The following CAMK1D variants were observed in gnomAD, a reference collection of about 807,000 sequenced individuals.
CAMK1D encodes calcium/calmodulin-dependent protein kinase type 1D.
In CAMK1D, 9 loss-of-function variants were observed where a neutral mutation model predicts 47.7. The ratio of observed to expected loss-of-function variants is 0.19; its 90% CI spans 0.11 to 0.33. The LOEUF is 0.33. Ranked by LOEUF, CAMK1D falls within the 10% of genes least tolerant of loss-of-function variation. CAMK1D has a pLI of 1.00. For missense variants in CAMK1D, 291 were observed against 488.7 expected (o/e 0.60, Z 3.81); for synonymous variants, 184 against 184.9 (o/e 0.99, Z 0.04).
chr10:12,533,256 G>C (rs928364271), intron 1 of CAMK1D, among the ~76,000 whole-genome samples: 3 of 152,014 alleles, frequency 2.0e-5, no homozygotes, highest in Admixed American at 6.6e-5. Flanking sequence ...CCTTTCTGAC[G>C]GCACCACTTT....
chr10:12,795,513 T>C (rs1212963917), intron 6 of CAMK1D, among the ~76,000 whole-genome samples: 2 of 152,230 alleles, frequency 1.3e-5, no homozygotes, highest in Non-Finnish European at 2.9e-5. Context: ...CGCCTCATTC[T>C]TCCCAGCCAC....
chr10:12,628,455 C>T (rs912496264), intron 2 of CAMK1D, among the ~76,000 whole-genome samples: 6 of 152,084 alleles, frequency 3.9e-5, no homozygotes, highest in East Asian at 1.9e-4. Flanking sequence ...TAGCAGTTTT[C>T]GGTTTTGAGA....
chr10:12,752,783 A>G (rs986084012), intron 3 of CAMK1D, among the ~76,000 whole-genome samples: 1 of 152,208 alleles, frequency 6.6e-6, no homozygotes, highest in African/African-American at 2.4e-5. Context: ...AAGAGAGACC[A>G]GGACGTGCTT....
intron 2 of CAMK1D, among the ~76,000 whole-genome samples, chr10:12,588,228 A>G (rs1422065000): frequency 6.6e-6 from 1 of 152,138 alleles, no homozygotes; most frequent in Non-Finnish European, 1.5e-5. Context: ...GATGTTTGCA[A>G]TAGTGGTTGG....
intron 3 of CAMK1D, among the ~76,000 whole-genome samples, chr10:12,691,677 T>G (rs1359979582): frequency 6.6e-6 from 1 of 151,578 alleles, no homozygotes; most frequent in Non-Finnish European, 1.5e-5. Flanking sequence ...GGTCTTGAAC[T>G]CCTGACCTTG....
chr10:12,670,391 A>G (rs1840576651), intron 3 of CAMK1D, among the ~76,000 whole-genome samples: 1 of 151,910 alleles, frequency 6.6e-6, no homozygotes, highest in Non-Finnish European at 1.5e-5. Flanking sequence ...CTTGGGTTGA[A>G]AGTGTTCTTT....
At chr10:12,748,609 A>G (rs144946962) in intron 3 of CAMK1D, among the ~76,000 whole-genome samples, 39 of 152,264 alleles carry the variant, frequency 2.6e-4, no homozygotes, top group African/African-American at 9.1e-4. Flanking sequence ...ATCTGTTGAG[A>G]AGGACAGTAG....
At chr10:12,734,322 CAAAAA>C (rs1201573872) in intron 3 of CAMK1D, among the ~76,000 whole-genome samples, 8 of 23,578 alleles carry the variant, frequency 3.4e-4, no homozygotes, top group African/African-American at 5.3e-4. Context: ...GACTCCATCT[CAAAAA>C]AAAAAAAAAA....
intron 2 of CAMK1D, among the ~76,000 whole-genome samples, chr10:12,559,948 G>C (rs1270008011): frequency 1.3e-5 from 2 of 152,150 alleles, no homozygotes; most frequent in East Asian, 3.8e-4. Context: ...CAGGATGTGT[G>C]GTGGGAGAGT....
intron 1 of CAMK1D, among the ~76,000 whole-genome samples, chr10:12,533,021 G>A (rs1276897022): frequency 6.6e-6 from 1 of 152,092 alleles, no homozygotes; most frequent in Admixed American, 6.6e-5. Flanking sequence ...CTGTTTGATA[G>A]CACCACAGGG....
intron 2 of CAMK1D, among the ~76,000 whole-genome samples, chr10:12,612,574 A>C (rs1022331263): frequency 6.6e-6 from 1 of 152,138 alleles, no homozygotes; most frequent in African/African-American, 2.4e-5. Context: ...TGACAGGATC[A>C]GAGCAAGAGT....
chr10:12,809,964 A>G (rs763716924), intron 6 of CAMK1D, among the ~76,000 whole-genome samples: 1 of 151,936 alleles, frequency 6.6e-6, no homozygotes, highest in African/African-American at 2.4e-5. Flanking sequence ...CCTAGGCCAC[A>G]TGGCAAAACC....
In CAMK1D at chr10:12,353,889, C is replaced by T. The variant is rs922456802; in HGVS notation, c.92+3979C>T. On this transcript the variant is annotated intron_variant, in intron 1 of 10. Coordinates refer to ENST00000619168, the MANE Select transcript of CAMK1D (RefSeq NM_153498.4). ...GTGTATTTGCCAAGGCTGTTCAGGCCGTCCCTATCGTAGCTATCTTTCAGT... is the reference window on the plus strand; with the variant it reads ...GTGTATTTGCCAAGGCTGTTCAGGCTGTCCCTATCGTAGCTATCTTTCAGT... Among the ~76,000 whole-genome samples, 3 of 151,988 alleles carry T rather than the reference C, an allele frequency of 2.0e-5. No individual in the cohort carries two copies. In the East Asian group the frequency reaches 5.8e-4, roughly 29 times the overall value.
chr10:12,666,132 T>C (rs1840422256), intron 2 of CAMK1D, among the ~76,000 whole-genome samples: 1 of 152,004 alleles, frequency 6.6e-6, no homozygotes, highest in Admixed American at 6.6e-5. Flanking sequence ...GTAGCACTGA[T>C]CTAGTTTGCT....
intron 2 of CAMK1D, among the ~76,000 whole-genome samples, chr10:12,574,055 C>T (rs1036024746): frequency 6.6e-6 from 1 of 151,938 alleles, no homozygotes; most frequent in Non-Finnish European, 1.5e-5. Context: ...TTCACCAACC[C>T]CTTTAGGACT....
chr10:12,650,582 T>C (rs1040256058), intron 2 of CAMK1D, among the ~76,000 whole-genome samples: 2 of 152,106 alleles, frequency 1.3e-5, no homozygotes, highest in Non-Finnish European at 2.9e-5. Flanking sequence ...CGTGCCGCAA[T>C]GCCGTTCCAG....
At chr10:12,550,798 CT>C (rs1166155202) in intron 1 of CAMK1D, among the ~76,000 whole-genome samples, 3 of 152,176 alleles carry the variant, frequency 2.0e-5, no homozygotes, top group Non-Finnish European at 4.4e-5. Flanking sequence ...GTTCTGCCCC[CT>C]GGGCTTGTAT....
chr10:12,471,906 G>A lies in CAMK1D; in HGVS notation c.93-81319G>A, dbSNP rs148616458. Among the ~76,000 whole-genome samples, 7 of 151,422 alleles carry A rather than the reference G, an allele frequency of 4.6e-5. No individual in the cohort carries two copies. In the South Asian group the frequency reaches 6.3e-4, roughly 14 times the overall value. ...AAAAATTAGCAGGGCTTGGTGGTGC[G>A]TACCTGTTGTCCCAGCTACTCTGGA... On this transcript the variant is annotated intron_variant, in intron 1 of 10. Coordinates refer to ENST00000619168, the MANE Select transcript of CAMK1D (RefSeq NM_153498.4).
intron 3 of CAMK1D, among the ~76,000 whole-genome samples, chr10:12,727,785 A>ATT (rs1834716465): frequency 7.2e-6 from 1 of 138,862 alleles, no homozygotes; most frequent in Non-Finnish European, 1.5e-5. Context: ...TTTTTTTGAG[A>ATT]CTGAGTCTCG....
Sources: gnomAD v4.1 joint callset for allele counts (sites outside exome capture counted in the v4.1 genomes callset) on GRCh38, gnomAD v4.1.1 for gene constraint, MANE v1.5 for transcripts, NCBI Gene and HGNC (gene_info 2026-07-23, HGNC 2026-07-21) for gene names.